EPB41L1: variants seen among roughly 807,000 people sequenced by gnomAD.
The protein encoded by EPB41L1 is erythrocyte membrane protein band 4.1 like 1, also known as band 4.1-like protein 1.
EPB41L1 carries 29 observed loss-of-function variants against 97.8 expected under a neutral mutation model. The observed-to-expected ratio is 0.30, with a 90% CI of 0.22 to 0.40. The LOEUF (loss-of-function observed/expected upper bound fraction) is 0.40, where lower values mean the gene tolerates loss of function less well. Among genes scored for constraint, EPB41L1 ranks in the 10% least tolerant of loss-of-function variants. EPB41L1 has a pLI of 1.00. For missense variants in EPB41L1, 812 were observed against 1,162.3 expected (o/e 0.70, Z 4.38); for synonymous variants, 383 against 459.2 (o/e 0.83, Z 2.12).
chr20:36,105,026 C>T (rs927528496), intron 1 of EPB41L1, among the ~76,000 whole-genome samples: 3 of 151,994 alleles, frequency 2.0e-5, no homozygotes, highest in Non-Finnish European at 4.4e-5. Context: ...GTGAGTGGGC[C>T]GGAGCCGTCA....
intron 21 of EPB41L1, among the ~76,000 whole-genome samples, chr20:36,225,846 C>T (rs2064116691): frequency 1.3e-5 from 2 of 152,154 alleles, no homozygotes; most frequent in South Asian, 2.1e-4. Context: ...CCCACCCCGC[C>T]GCGATGCAGT....
At chr20:36,163,239 T>A (rs1200828532) in intron 1 of EPB41L1, among the ~76,000 whole-genome samples, 1 of 152,080 alleles carries the variant, frequency 6.6e-6, no homozygotes, top group East Asian at 1.9e-4. Context: ...CCTATTTCCT[T>A]CTCCAAGGGA....
chr20:36,152,987 A>C (rs755592025), upstream of EPB41L1: 1 of 456,444 alleles, frequency 2.2e-6, no homozygotes, highest in Non-Finnish European at 4.4e-6. Context: ...GTTCTCTAGG[A>C]CTGGGAGAAG....
intron 1 of EPB41L1, among the ~76,000 whole-genome samples, chr20:36,167,116 G>C (rs1402938439): frequency 6.6e-6 from 1 of 152,134 alleles, no homozygotes; most frequent in Admixed American, 6.6e-5. Context: ...AATTAGACAG[G>C]GTGGTCAAGG....
Position 36,182,309 on chromosome 20 carries a change from C to T in EPB41L1, c.528C>T (p.Tyr176=). Residue 176 remains tyrosine, a synonymous_variant, in exon 6 of 22, where the codon TAC becomes TAT. Coordinates refer to ENST00000338074, the MANE Select transcript of EPB41L1 (RefSeq NM_012156.2). ...PWNFAFTVKF[Y]PPDPAQLTED... is the part of the protein sequence containing the mutation. Reference sequence around the variant, plus strand: ...ATTTTGCCTTCACAGTCAAGTTCTACCCGCCTGATCCTGCCCAGCTGACAG... The same window carrying T: ...ATTTTGCCTTCACAGTCAAGTTCTATCCGCCTGATCCTGCCCAGCTGACAG... 1 of 1,614,112 alleles carries T rather than the reference C, an allele frequency of 6.2e-7. No homozygotes were observed. Among genetic ancestry groups the T allele is most frequent in the Non-Finnish European group, 8.5e-7 (1 of 1,179,960 alleles).
intron 1 of EPB41L1, among the ~76,000 whole-genome samples, chr20:36,159,654 G>A (rs1369175015): frequency 1.3e-5 from 2 of 152,146 alleles, no homozygotes; most frequent in Non-Finnish European, 2.9e-5. Flanking sequence ...TAATCAAGAG[G>A]GGAAGTGACT....
Position 36,209,882 on chromosome 20 carries a change from A to G in EPB41L1, c.2063A>G (p.Asp688Gly). ...SPDRGACSTP[D>G]MPQFEPVKTE... The stretch of plus-strand genomic sequence containing the variant: ...GATCGAGGGGCCTGCTCCACCCCGG[A>G]TATGCCCCAGTTTGAGGTACAGTGG... Residue 688 changes from aspartate (D) to glycine (G), a missense_variant, in exon 15 of 22, where the codon GAT becomes GGT. Physicochemically the swap from Asp to Gly is moderately conservative, Grantham distance 94. Transcript: ENST00000338074. This position sits in a 1 kb window ranked among gnomAD's most constrained non-coding sequence, Gnocchi z 4.2. 1 of 1,613,298 alleles carries G rather than the reference A, an allele frequency of 6.2e-7. No homozygotes were observed. The highest frequency in any genetic ancestry group is 8.5e-7 in the Non-Finnish European group (1 of 1,180,000).
Position 36,207,925 on chromosome 20 carries a change from T to C in EPB41L1, c.1669-1563T>C. On this transcript the variant is annotated intron_variant, in intron 14 of 21. Coordinates refer to ENST00000338074, the MANE Select transcript of EPB41L1 (RefSeq NM_012156.2). This position sits in a 1 kb window ranked among gnomAD's most constrained non-coding sequence, Gnocchi z 4.9. ...GCTGCTTATCCATCCCTGTGAGTTT[T>C]TTCCCTAAACGGGCCTGGGTGTAGC... 1.0e-6 allele frequency: 1 copy of C among 984,724 alleles called. No individual in the cohort carries two copies. The highest frequency in any genetic ancestry group is 1.3e-6 in the Non-Finnish European group (1 of 753,072). The allele number at this position is 984,724 out of a possible 1,614,324, so 61.0% of individuals were successfully genotyped here.
intron 2 of EPB41L1, among the ~76,000 whole-genome samples, chr20:36,130,091 G>A (rs987850417): frequency 1.3e-5 from 2 of 151,898 alleles, no homozygotes; most frequent in Admixed American, 6.6e-5. Flanking sequence ...ACAGGCACCC[G>A]CCACCATGCC....
chr20:36,177,832 C>G (rs978405809), intron 3 of EPB41L1, 120 bp from the exon 4 acceptor site: 1 of 806,226 alleles, frequency 1.2e-6, no homozygotes, highest in African/African-American at 1.7e-5. Flanking sequence ...GCGCTGCATT[C>G]CTGTCCAGAC....
intron 2 of EPB41L1, chr20:36,125,447 GT>G: frequency 1.1e-6 from 1 of 929,658 alleles, no homozygotes. Context: ...CTGCCTCATG[GT>G]TTTCTTGGGG....
rs776723453 is a variant in EPB41L1, at chr20:36,206,211, A to G, written c.1669-3277A>G. 80 of 1,289,806 alleles carry G rather than the reference A, an allele frequency of 6.2e-5. No individual in the cohort carries two copies. In the Admixed American group the frequency reaches 1.3e-3, roughly 21 times the overall value. The allele number at this position is 1,289,806 out of a possible 1,614,324, so 79.9% of individuals were successfully genotyped here. ...TCCTCGAGGGCTCTGAGCTCAGGGCAGACACCAGAGAGGCAACCATCAGGA... is the reference window on the plus strand; with the variant it reads ...TCCTCGAGGGCTCTGAGCTCAGGGCGGACACCAGAGAGGCAACCATCAGGA... On this transcript the variant is annotated intron_variant, in intron 14 of 21. Transcript: ENST00000338074. This position sits in a 1 kb window ranked among gnomAD's most constrained non-coding sequence, Gnocchi z 5.5.
intron 2 of EPB41L1, chr20:36,125,487 G>A (rs1194386438): frequency 1.5e-6 from 2 of 1,359,302 alleles, no homozygotes; most frequent in Admixed American, 3.9e-5. Context: ...CCTGCAAAGG[G>A]CTTAGCAGAG....
At chr20:36,196,826 A>T (rs1422643706) in intron 13 of EPB41L1, among the ~76,000 whole-genome samples, 1 of 152,236 alleles carries the variant, frequency 6.6e-6, no homozygotes, top group Non-Finnish European at 1.5e-5. Context: ...TTTGCCCCAG[A>T]AGTAGCCAGA....
chr20:36,124,171 T>TG (rs2058865736), intron 2 of EPB41L1, among the ~76,000 whole-genome samples: 1 of 151,930 alleles, frequency 6.6e-6, no homozygotes, highest in Non-Finnish European at 1.5e-5. Context: ...AGGAGAATGG[T>TG]GTGAACCCGG....
chr20:36,175,036 TG>T, intron 2 of EPB41L1, among the ~76,000 whole-genome samples: 1 of 152,162 alleles, frequency 6.6e-6, no homozygotes. Flanking sequence ...ACGACAGGCC[TG>T]GAGGGGGCAG....
Position 36,212,268 on chromosome 20 carries a change from A to T in EPB41L1, c.2080-4A>T. 6.2e-7 allele frequency: 1 copy of T among 1,614,050 alleles called. No individual in the cohort carries two copies. Among genetic ancestry groups the T allele is most frequent in the Non-Finnish European group, 8.5e-7 (1 of 1,179,926 alleles). ...ACAGAGCATTCTCCCTCCTTTTCCT[A>T]CAGCCCGTGAAAACAGAAACCATGA... On this transcript the variant is annotated splice_region_variant and splice_polypyrimidine_tract_variant and intron_variant, in intron 15 of 21. Coordinates refer to ENST00000338074, the MANE Select transcript of EPB41L1 (RefSeq NM_012156.2). This position sits in a 1 kb window ranked among gnomAD's most constrained non-coding sequence, Gnocchi z 4.8.
At chr20:36,222,506 G>A in intron 21 of EPB41L1, 112 bp downstream of exon 21, 1 of 828,164 alleles carries the variant, frequency 1.2e-6, no homozygotes, top group South Asian at 1.5e-5. Flanking sequence ...GTGCAGCTTT[G>A]ACCCTCCCCC....
At chr20:36,116,221 G>A (rs1480222545) in intron 2 of EPB41L1, among the ~76,000 whole-genome samples, 3 of 152,150 alleles carry the variant, frequency 2.0e-5, no homozygotes, top group Non-Finnish European at 4.4e-5. Context: ...GATCTAAGTT[G>A]AGGGGAACTA....
Sources: allele counts gnomAD v4.1 joint callset (sites outside exome capture counted in the v4.1 genomes callset), GRCh38; gene constraint gnomAD v4.1.1; non-coding constraint Gnocchi (gnomAD v3.1); transcripts MANE v1.5; gene names NCBI Gene and HGNC (gene_info 2026-07-23, HGNC 2026-07-21).